The following MLLT10 variants were observed in gnomAD, a reference collection of about 807,000 sequenced individuals.
The protein encoded by MLLT10 is protein AF-10.
Under a neutral mutation model 129.1 loss-of-function variants are expected in MLLT10, and 30 were observed. That is an observed-to-expected ratio of 0.23 (90% CI 0.17 to 0.32). The LOEUF (loss-of-function observed/expected upper bound fraction) is 0.32, where lower values mean the gene tolerates loss of function less well. Among genes scored for constraint, MLLT10 ranks in the 10% least tolerant of loss-of-function variants. The pLI is 1.00. For missense variants in MLLT10, 1,119 were observed against 1,268.3 expected (o/e 0.88, Z 1.79); for synonymous variants, 490 against 446.4 (o/e 1.10, Z -1.23).
At chr10:21,721,851 C>T (rs2057155407) in intron 14 of MLLT10, among the ~76,000 whole-genome samples, 1 of 151,952 alleles carries the variant, frequency 6.6e-6, no homozygotes, top group Non-Finnish European at 1.5e-5. Flanking sequence ...ATCTACTGGT[C>T]TTTCAGTCTA....
At chr10:21,656,310 A>T (rs2049583092) in intron 9 of MLLT10, among the ~76,000 whole-genome samples, 1 of 152,164 alleles carries the variant, frequency 6.6e-6, no homozygotes, top group South Asian at 2.1e-4. Context: ...ATGGGTTTTT[A>T]AAAATTATTG....
rs111603496 is a variant in MLLT10, at chr10:21,730,687, T to C, written c.2064-213T>C. On this transcript the variant is annotated intron_variant, in intron 16 of 22. Coordinates refer to ENST00000307729, the MANE Select transcript of MLLT10 (RefSeq NM_001195626.3). ...TTTAATTATCTATGATGGCTAGCTATTTCCTTGATTCTATAATATTGGGAG... is the reference window on the plus strand; with the variant it reads ...TTTAATTATCTATGATGGCTAGCTACTTCCTTGATTCTATAATATTGGGAG... Among the ~76,000 whole-genome samples the C allele has an allele frequency of 5.8e-3, 889 of 152,318 alleles. 3 individuals are homozygous for C. Among genetic ancestry groups the C allele is most frequent in the South Asian group, 0.029 (141 of 4,830 alleles).
intron 13 of MLLT10, among the ~76,000 whole-genome samples, chr10:21,704,913 A>T (rs2055347730): frequency 6.6e-6 from 1 of 152,218 alleles, no homozygotes; most frequent in African/African-American, 2.4e-5. Flanking sequence ...GGGGACTAGG[A>T]TGCCAAGTAG....
intron 9 of MLLT10, among the ~76,000 whole-genome samples, chr10:21,665,122 T>C (rs1348498246): frequency 6.6e-6 from 1 of 151,834 alleles, no homozygotes; most frequent in Non-Finnish European, 1.5e-5. Flanking sequence ...ATTTTTGTAT[T>C]CTTAGTAGAG....
At chr10:21,605,672 C>T (rs1159084247) in intron 5 of MLLT10, among the ~76,000 whole-genome samples, 1 of 152,100 alleles carries the variant, frequency 6.6e-6, no homozygotes, top group East Asian at 1.9e-4. Context: ...TGGGCTCAAG[C>T]TATCCTCCTG....
intron 8 of MLLT10, among the ~76,000 whole-genome samples, chr10:21,639,963 A>G (rs1328876788): frequency 1.3e-5 from 2 of 151,886 alleles, no homozygotes; most frequent in East Asian, 1.9e-4. Context: ...TCTGAGGCCT[A>G]AAGCACCCCA....
chr10:21,562,150 G>C (rs1323353309), intron 3 of MLLT10, among the ~76,000 whole-genome samples: 1 of 152,028 alleles, frequency 6.6e-6, no homozygotes, highest in African/African-American at 2.4e-5. Flanking sequence ...TTTGAAATCA[G>C]GAAGTGTGAT....
At chr10:21,668,289 C>A (rs959956096) in intron 9 of MLLT10, among the ~76,000 whole-genome samples, 1 of 152,090 alleles carries the variant, frequency 6.6e-6, no homozygotes, top group Non-Finnish European at 1.5e-5. Context: ...TTTCAGCCAT[C>A]TCCCACCTCC....
chr10:21,614,224 T>TTA (rs2044991783), intron 6 of MLLT10, among the ~76,000 whole-genome samples: 7 of 74,990 alleles, frequency 9.3e-5, no homozygotes, highest in Admixed American at 1.6e-4. Flanking sequence ...TTTTTTTTTT[T>TTA]CAAAAAAAAA....
chr10:21,551,073 C>T (rs1490489329), intron 3 of MLLT10, among the ~76,000 whole-genome samples: 7 of 151,450 alleles, frequency 4.6e-5, no homozygotes, highest in African/African-American at 1.2e-4. Flanking sequence ...ATTACAGGCA[C>T]GCGCCACCAC....
At chr10:21,637,986 G>C (rs2047615917) in intron 8 of MLLT10, among the ~76,000 whole-genome samples, 1 of 152,102 alleles carries the variant, frequency 6.6e-6, no homozygotes, top group African/African-American at 2.4e-5. Context: ...CTTTATCGAA[G>C]CTGTGGCTTC....
chr10:21,677,330 C>G (rs754070470), intron 11 of MLLT10, among the ~76,000 whole-genome samples: 4 of 152,096 alleles, frequency 2.6e-5, no homozygotes, highest in Admixed American at 6.5e-5. Flanking sequence ...ATTGTGACAA[C>G]AAGAAGCTTC....
chr10:21,688,723 T>C (rs2053538051), intron 13 of MLLT10, among the ~76,000 whole-genome samples: 3 of 152,144 alleles, frequency 2.0e-5, no homozygotes, highest in Admixed American at 2.0e-4. Flanking sequence ...CTTATTGTTG[T>C]AGTTATTTGG....
At chr10:21,670,421 T>C in intron 9 of MLLT10, 28 bp from the exon 10 acceptor site, 3 of 1,578,690 alleles carry the variant, frequency 1.9e-6, no homozygotes, top group Non-Finnish European at 2.6e-6. Context: ...CAACTCTTTT[T>C]CCTTCCCTTT....
In MLLT10 at chr10:21,534,457, A is replaced by G. The variant is rs924312817; in HGVS notation, c.-64A>G. The G allele has an allele frequency of 1.4e-4, 70 of 509,594 alleles. 2 individuals are homozygous for G. Among genetic ancestry groups the G allele is most frequent in the South Asian group, 1.3e-3 (40 of 31,788 alleles). 31.6% of individuals were successfully genotyped at this position (509,594 alleles called of 1,614,324 possible). A position where few individuals can be genotyped will look rare whatever the true frequency, so the allele number is the denominator to read the frequency against. Reference sequence around the variant, plus strand: ...GAGGCGGTGGAGGGGAGGTGGGGGGAATCAGCAAGGACATGGCTCCTGACT... The same window carrying G: ...GAGGCGGTGGAGGGGAGGTGGGGGGGATCAGCAAGGACATGGCTCCTGACT... On this transcript the variant is annotated 5_prime_UTR_variant, in exon 1 of 23. Transcript: ENST00000307729.
rs534848251 is a variant in MLLT10, at chr10:21,542,713, A to G, written c.240+3801A>G. On this transcript the variant is annotated intron_variant, in intron 3 of 22. Transcript: ENST00000307729. ...AGATCAGCCTGGACAACATAGTGAGACCTTATCTCTACAAAAAGAAAAAAA... is the reference window on the plus strand; with the variant it reads ...AGATCAGCCTGGACAACATAGTGAGGCCTTATCTCTACAAAAAGAAAAAAA... 1.2e-4 allele frequency among the ~76,000 whole-genome samples: 18 copies of G among 152,148 alleles called. No individual in the cohort carries two copies. The South Asian group carries it at 3.1e-3, about 26-fold the overall frequency.
intron 14 of MLLT10, among the ~76,000 whole-genome samples, chr10:21,725,752 CTTTT>C (rs554724721): frequency 2.3e-5 from 3 of 131,338 alleles, no homozygotes; most frequent in African/African-American, 5.5e-5. Context: ...AGTTACGTAA[CTTTT>C]TTTTTTTTTT....
At chr10:21,736,710 A>AAAAT (rs1438013510) in intron 21 of MLLT10, among the ~76,000 whole-genome samples, 1 of 152,218 alleles carries the variant, frequency 6.6e-6, no homozygotes, top group Admixed American at 6.5e-5. Context: ...TTTGGAGAGA[A>AAAAT]AAATAGGTGT....
At chr10:21,668,908 C>T (rs2051113027) in intron 9 of MLLT10, 2 of 1,194,978 alleles carry the variant, frequency 1.7e-6, no homozygotes, top group Non-Finnish European at 2.1e-6. Flanking sequence ...GACTTTTAAA[C>T]TTCACTAGGT....
Sources: allele counts gnomAD v4.1 joint callset (sites outside exome capture counted in the v4.1 genomes callset), GRCh38; gene constraint gnomAD v4.1.1; transcripts MANE v1.5; gene names NCBI Gene and HGNC (gene_info 2026-07-23, HGNC 2026-07-21).